The following CTNND2 variants were observed in gnomAD, a reference collection of about 807,000 sequenced individuals.
The protein encoded by CTNND2 is catenin delta 2.
A neutral mutation model predicts 144.4 loss-of-function variants in CTNND2; 22 were observed. The observed-to-expected ratio is 0.15, with a 90% confidence interval of 0.11 to 0.22. The LOEUF (loss-of-function observed/expected upper bound fraction) is 0.22, where lower values mean the gene tolerates loss of function less well. Ranked by LOEUF, CTNND2 falls within the 10% of genes least tolerant of loss-of-function variation. The pLI is 1.00. For synonymous variants in CTNND2, 751 were observed against 695.6 expected (o/e 1.08, Z -1.25); for missense variants, 1,353 against 1,618.8 (o/e 0.84, Z 2.82).
chr5:11,683,815 G>A (rs1176025004), intron 2 of CTNND2, among the ~76,000 whole-genome samples: 1 of 152,208 alleles, frequency 6.6e-6, no homozygotes, highest in Non-Finnish European at 1.5e-5. Context: ...GCATTACCAT[G>A]TCTTTCCATT....
intron 1 of CTNND2, among the ~76,000 whole-genome samples, chr5:11,859,035 T>C (rs958615934): frequency 2.6e-5 from 4 of 152,234 alleles, no homozygotes; most frequent in Non-Finnish European, 5.9e-5. Context: ...ATCTTGTTAA[T>C]TGGAAAAACC....
At chr5:11,508,372 A>G (rs1025388760) in intron 3 of CTNND2, 5 of 152,308 alleles carry the variant, frequency 3.3e-5, no homozygotes, top group Non-Finnish European at 5.9e-5. Flanking sequence ...AACAATTGCC[A>G]TGTTCCCGAG....
At chr5:11,866,417 G>C (rs969949366) in intron 1 of CTNND2, among the ~76,000 whole-genome samples, 3 of 152,306 alleles carry the variant, frequency 2.0e-5, no homozygotes, top group African/African-American at 7.2e-5. Flanking sequence ...TGCATCATGT[G>C]AGGACACAGG....
chr5:11,682,646 A>G (rs1784467379), intron 2 of CTNND2, among the ~76,000 whole-genome samples: 1 of 152,244 alleles, frequency 6.6e-6, no homozygotes, highest in African/African-American at 2.4e-5. Context: ...GATACATGGA[A>G]GGTGAACAGT....
intron 2 of CTNND2, among the ~76,000 whole-genome samples, chr5:11,661,467 C>T (rs991692992): frequency 6.6e-6 from 1 of 152,116 alleles, no homozygotes; most frequent in Non-Finnish European, 1.5e-5. Context: ...ACCTTCTGAA[C>T]TTGTTTCTCA....
At position 11,879,356 on chromosome 5, in the gene CTNND2, T is replaced by TATAC. The variant is rs904010417; in HGVS notation, c.37+24460_37+24461insGTAT. Among the ~76,000 whole-genome samples, 66 of 141,422 alleles carry TATAC rather than the reference T, an allele frequency of 4.7e-4. 2 individuals are homozygous for TATAC. The highest frequency in any genetic ancestry group is 1.2e-3 in the East Asian group (6 of 4,876). The allele number at this position is 141,422 out of a possible 152,430, so 92.8% of individuals were successfully genotyped here. A position where few individuals can be genotyped will look rare whatever the true frequency, so the allele number is the denominator to read the frequency against. On this transcript the variant is annotated intron_variant, in intron 1 of 21. Coordinates refer to ENST00000304623, the MANE Select transcript of CTNND2 (RefSeq NM_001332.4). ...TTAAATGTGTGTATATATATATATA[T>TATAC]ACATATACACACACACACAAACATA...
chr5:11,132,347 C>A (rs778184739), intron 12 of CTNND2, among the ~76,000 whole-genome samples: 7 of 152,186 alleles, frequency 4.6e-5, no homozygotes, highest in Non-Finnish European at 1.5e-5. Flanking sequence ...TTTGTGTCCT[C>A]CAACAAATCA....
At chr5:10,992,458 T>C in intron 19 of CTNND2, 93 bp downstream of exon 19, 1 of 1,560,014 alleles carries the variant, frequency 6.4e-7, no homozygotes, top group Non-Finnish European at 8.8e-7. Flanking sequence ...TGGAAGGCTC[T>C]CCTCTGAGTA....
At chr5:11,034,892 T>G (rs1743897694) in intron 16 of CTNND2, among the ~76,000 whole-genome samples, 1 of 152,114 alleles carries the variant, frequency 6.6e-6, no homozygotes, top group African/African-American at 2.4e-5. Flanking sequence ...ATTATTATAC[T>G]TTAAGTTTTA....
At chr5:11,471,949 T>G (rs1441333514) in intron 3 of CTNND2, among the ~76,000 whole-genome samples, 1 of 152,222 alleles carries the variant, frequency 6.6e-6, no homozygotes, top group Non-Finnish European at 1.5e-5. Flanking sequence ...TAACACAAGC[T>G]GGCAAAACTT....
intron 18 of CTNND2, among the ~76,000 whole-genome samples, chr5:10,997,669 G>C (rs774868577): frequency 5.9e-5 from 9 of 152,178 alleles, no homozygotes; most frequent in Middle Eastern, 6.8e-3. Context: ...AAATATGACT[G>C]AATGGGGACA....
At chr5:11,872,813 G>GCT (rs1735258149) in intron 1 of CTNND2, among the ~76,000 whole-genome samples, 2 of 152,086 alleles carry the variant, frequency 1.3e-5, no homozygotes, top group African/African-American at 4.8e-5. Context: ...GCAGAAAACT[G>GCT]AAACTGGACC....
intron 1 of CTNND2, among the ~76,000 whole-genome samples, chr5:11,891,582 A>G (rs1474082048): frequency 1.3e-5 from 2 of 152,194 alleles, no homozygotes; most frequent in Admixed American, 1.3e-4. Flanking sequence ...GCCCTCAAGA[A>G]GGGATCAGCA....
chr5:11,033,007 T>C (rs1486660714), intron 16 of CTNND2, among the ~76,000 whole-genome samples: 2 of 152,192 alleles, frequency 1.3e-5, no homozygotes, highest in African/African-American at 2.4e-5. Flanking sequence ...TCCTGATTTA[T>C]TGTGTTATAG....
intron 9 of CTNND2, among the ~76,000 whole-genome samples, chr5:11,289,404 C>A (rs962243220): frequency 1.3e-5 from 2 of 152,180 alleles, no homozygotes; most frequent in East Asian, 3.9e-4. Context: ...AACTAGACTG[C>A]GTATGGCATC....
At position 11,759,317 on chromosome 5, in the gene CTNND2, C is replaced by A. The variant is rs879169004; in HGVS notation, c.38-27045G>T. Among the ~76,000 whole-genome samples the A allele has an allele frequency of 3.3e-5, 5 of 151,876 alleles. No individual in the cohort carries two copies. In the East Asian group the frequency reaches 9.7e-4, roughly 29 times the overall value. ...ATGTTTAACTGTCTATTATGAAAAC[C>A]TTAATAACCTGCAGGAGCTATTAAA... On this transcript the variant is annotated intron_variant, in intron 1 of 21. Coordinates refer to ENST00000304623, the MANE Select transcript of CTNND2 (RefSeq NM_001332.4).
rs577290377 is a variant in CTNND2 at position 11,604,128 on chromosome 5, T to G, written c.175-39072A>C. On this transcript the variant is annotated intron_variant, in intron 2 of 21. Coordinates refer to ENST00000304623, the MANE Select transcript of CTNND2 (RefSeq NM_001332.4). ...AATTTACTATTTCATGTTTTGTGAATATTCATATTCACAGGCTTCTTCTCC... is the reference window on the plus strand; with the variant it reads ...AATTTACTATTTCATGTTTTGTGAAGATTCATATTCACAGGCTTCTTCTCC... 3.9e-5 allele frequency among the ~76,000 whole-genome samples: 6 copies of G among 152,336 alleles called. No individual in the cohort carries two copies. In the South Asian group the frequency reaches 1.2e-3, roughly 32 times the overall value.
chr5:11,204,784 A>G (rs1481500117), intron 10 of CTNND2, among the ~76,000 whole-genome samples: 1 of 152,226 alleles, frequency 6.6e-6, no homozygotes, highest in Non-Finnish European at 1.5e-5. Flanking sequence ...AGCTTGCAAT[A>G]GAATTCCTCT....
chr5:11,730,691 G>T (rs1378119255), intron 2 of CTNND2, among the ~76,000 whole-genome samples: 1 of 152,192 alleles, frequency 6.6e-6, no homozygotes, highest in African/African-American at 2.4e-5. Flanking sequence ...ATCCTAATTT[G>T]GGAGACAGTA....
Sources: gnomAD v4.1 joint callset for allele counts (sites outside exome capture counted in the v4.1 genomes callset) on GRCh38, gnomAD v4.1.1 for gene constraint, MANE v1.5 for transcripts, NCBI Gene and HGNC (gene_info 2026-07-23, HGNC 2026-07-21) for gene names.